AIFM3: variants seen among roughly 807,000 people sequenced by gnomAD.
The protein encoded by AIFM3 is apoptosis-inducing factor 3.
AIFM3 carries 71 observed loss-of-function variants against 82.7 expected under a neutral mutation model. That is an observed-to-expected ratio of 0.86 (90% CI 0.71 to 1.05). AIFM3 has a LOEUF of 1.05. Ranked by LOEUF, AIFM3 falls within the 50% of genes least tolerant of loss-of-function variation. AIFM3 has a pLI of 0.00. For missense variants in AIFM3, 748 were observed against 816.7 expected (o/e 0.92, Z 1.03); for synonymous variants, 337 against 329.1 (o/e 1.02, Z -0.26).
chr22:20,977,414 T>A (rs144219616), intron 14 of AIFM3: 5 of 600,700 alleles, frequency 8.3e-6, no homozygotes, highest in Non-Finnish European at 1.2e-5. Flanking sequence ...GGGGCCAAGA[T>A]GGGAGGTGGT....
At chr22:20,970,115 A>G (rs1923177410) in intron 2 of AIFM3, among the ~76,000 whole-genome samples, 1 of 152,182 alleles carries the variant, frequency 6.6e-6, no homozygotes, top group Non-Finnish European at 1.5e-5. Flanking sequence ...TTATTAGGCC[A>G]TAACTGATAC....
rs745951085 is a variant in AIFM3, at chr22:20,973,537, C to A, written c.245+17C>A. On this transcript the variant is annotated intron_variant, in intron 3 of 20. Transcript: ENST00000440238. ...GAATGGCCAGTGGGTTCTGGGCTTG[C>A]CTGGGAGCGGGGATCAGGGGTCCCA... 6 of 1,603,360 alleles carry A rather than the reference C, an allele frequency of 3.7e-6. No homozygotes were observed. The highest frequency in any genetic ancestry group is 5.1e-6 in the Non-Finnish European group (6 of 1,174,654).
intron 2 of AIFM3, among the ~76,000 whole-genome samples, chr22:20,972,870 C>A (rs1435591209): frequency 1.3e-5 from 2 of 152,046 alleles, no homozygotes; most frequent in East Asian, 1.9e-4. Flanking sequence ...CATGGCAAAA[C>A]CCTGTCTCTA....
chr22:20,973,790 T>G lies in AIFM3; in HGVS notation c.278T>G (p.Val93Gly). The change falls in exon 4 of 21, where the codon GTG becomes GGG. Residue 93 changes from valine to glycine, a missense_variant. Val to Gly is a moderately radical substitution (Grantham distance 109, BLOSUM62 -3). Around this residue, in one of 5 missense-constraint regions of AIFM3, gnomAD observed 148 missense variants for 134.1 expected, o/e 1.10. Coordinates refer to ENST00000440238, the MANE Select transcript of AIFM3 (RefSeq NM_001386814.1). ...MREVELGWGK[V>G]LLVKDNGEFH... The stretch of plus-strand genomic sequence containing the variant: ...GAAGTGGAGCTGGGCTGGGGGAAGG[T>G]GTTGCTGGTGAAGGACAATGGGGAG... The G allele has an allele frequency of 6.3e-7, 1 of 1,580,942 alleles. No individual in the cohort carries two copies. Among genetic ancestry groups the G allele is most frequent in the South Asian group, 1.2e-5 (1 of 85,528 alleles).
At chr22:20,966,615 G>A (rs566269039), upstream of AIFM3, 7 of 152,550 alleles carry the variant, frequency 4.6e-5, no homozygotes, top group South Asian at 1.4e-3. Context: ...GGATGGCAGT[G>A]GGATGGACTG....
rs768428267 is a variant in AIFM3, at chr22:20,976,719, C to T, written c.1099C>T (p.Pro367Ser). ...GTCTGTGGTGGAGCTGGAGGAGACGCCCTTCAGGAGGTTCCTGGGGGAGCG... is the reference window on the plus strand; with the variant it reads ...GTCTGTGGTGGAGCTGGAGGAGACGTCCTTCAGGAGGTTCCTGGGGGAGCG... The part of the protein sequence containing the change: ...SVSVVELEET[P>S]FRRFLGERVG... Residue 367 changes from proline (P) to serine (S), a missense_variant, in exon 12 of 21, where the codon CCC (proline) becomes TCC (serine). Around this residue, in one of 5 missense-constraint regions of AIFM3, gnomAD observed 393 missense variants for 481.1 expected, o/e 0.82. Transcript: ENST00000440238. 1 of 1,609,384 alleles carries T rather than the reference C, an allele frequency of 6.2e-7. No homozygotes were observed. Among genetic ancestry groups the T allele is most frequent in the African/African-American group, 1.3e-5 (1 of 74,820 alleles).
At chr22:20,977,663 G>C in intron 14 of AIFM3, 37 bp from the exon 15 acceptor site, 1 of 1,612,578 alleles carries the variant, frequency 6.2e-7, no homozygotes, top group Non-Finnish European at 8.5e-7. Context: ...GCAGAAGGCA[G>C]GGACAGGGGA....
At chr22:20,971,131 C>G (rs556317696) in intron 2 of AIFM3, among the ~76,000 whole-genome samples, 20 of 152,232 alleles carry the variant, frequency 1.3e-4, no homozygotes, top group Non-Finnish European at 2.4e-4. Flanking sequence ...AGCAGCCTGG[C>G]TTGGCATTAT....
intron 19 of AIFM3, 43 bp from the exon 20 acceptor site, chr22:20,980,704 C>G (rs376766350): frequency 2.0e-5 from 32 of 1,613,884 alleles, no homozygotes; most frequent in Non-Finnish European, 2.7e-5. Context: ...GACATGCTCT[C>G]TCCTTGGCCT....
intron 1 of AIFM3, among the ~76,000 whole-genome samples, chr22:20,967,506 G>C (rs918505812): frequency 1.3e-5 from 2 of 152,140 alleles, no homozygotes; most frequent in Non-Finnish European, 2.9e-5. Context: ...GAGGGGAAGG[G>C]GGGCACGAGG....
intron 2 of AIFM3, among the ~76,000 whole-genome samples, chr22:20,968,872 C>T (rs1427063038): frequency 2.6e-5 from 4 of 152,160 alleles, no homozygotes; most frequent in Non-Finnish European, 4.4e-5. Flanking sequence ...CCATCAGCTC[C>T]GTTACCTTGG....
At chr22:20,971,919 A>C (rs1923288743) in intron 2 of AIFM3, among the ~76,000 whole-genome samples, 1 of 149,330 alleles carries the variant, frequency 6.7e-6, no homozygotes, top group South Asian at 2.1e-4. Context: ...TCCCCGCTAG[A>C]GCTGGCCCCG....
At chr22:20,978,560 C>T (rs1190142439) in intron 16 of AIFM3, among the ~76,000 whole-genome samples, 1 of 151,998 alleles carries the variant, frequency 6.6e-6, no homozygotes, top group Non-Finnish European at 1.5e-5. Context: ...GGTGCCATCA[C>T]ATTAGTTGCC....
Position 20,980,125 on chromosome 22 carries a change from G to A in AIFM3, c.1757+1G>A, listed in dbSNP as rs1923996450. 1.2e-6 allele frequency: 2 copies of A among 1,606,000 alleles called. No individual in the cohort carries two copies. Among genetic ancestry groups the A allele is most frequent in the Non-Finnish European group, 1.7e-6 (2 of 1,179,912 alleles). On this transcript the variant is annotated splice_donor_variant, in intron 19 of 20. Coordinates refer to ENST00000440238, the MANE Select transcript of AIFM3 (RefSeq NM_001386814.1). LOFTEE classifies it high-confidence loss of function. The stretch of plus-strand genomic sequence containing the variant: ...GTGCCATCCGGAAGCGGGAGGTGGA[G>A]TGAGTGTGGGTGTGGGAAGCCTGGG...
chr22:20,976,138 G>A (rs1233681804), intron 9 of AIFM3, 77 bp from the exon 10 acceptor site: 6 of 1,492,092 alleles, frequency 4.0e-6, no homozygotes, highest in East Asian at 4.6e-5. Context: ...GGCTGTGGGT[G>A]TACTGCAGGA....
In AIFM3 at chr22:20,973,444, AC is replaced by A. The variant is rs747942773; in HGVS notation, c.173del (p.Pro58LeufsTer39). 4 of 1,612,780 alleles carry A rather than the reference AC, an allele frequency of 2.5e-6. No individual in the cohort carries two copies. The highest frequency in any genetic ancestry group is 3.4e-6 in the Non-Finnish European group (4 of 1,179,924). ...CTTCCACACGGAGGAGCGCCTGTCC[AC>A]CCCTCACCCCTACCCCAGCCCTCAG... is the stretch of plus-strand genomic sequence containing the variant. ...RHFHTEERLS[T>X]PHPYPSPQDC... On this transcript the variant is annotated frameshift_variant, in exon 3 of 21. Coordinates refer to ENST00000440238, the MANE Select transcript of AIFM3 (RefSeq NM_001386814.1). LOFTEE classifies it high-confidence loss of function.
chr22:20,980,441 A>T, intron 19 of AIFM3: 1 of 597,480 alleles, frequency 1.7e-6, no homozygotes, highest in Non-Finnish European at 3.0e-6. Context: ...AGTTGTGCTG[A>T]GCCTGGCAGA....
At chr22:20,976,360 C>T (rs781174868) in intron 10 of AIFM3, 48 bp from the exon 11 acceptor site, 19 of 1,613,616 alleles carry the variant, frequency 1.2e-5, no homozygotes, top group Middle Eastern at 1.6e-4. Context: ...CTGGCCTGGA[C>T]GGGGCTGGGG....
chr22:20,977,793 TGGGTGGGGAGGA>T lies in AIFM3; in HGVS notation c.1359+18_1359+29del. ...GTCAACAAGGTGGGGTGGATGGCAC[TGGGTGGGGAGGA>T]CCCGGTGCTGGGCTGGGAGTGGCAG... On this transcript the variant is annotated intron_variant, in intron 15 of 20. Transcript: ENST00000440238. The T allele has an allele frequency of 6.2e-7, 1 of 1,614,092 alleles. No homozygotes were observed. Among genetic ancestry groups the T allele is most frequent in the Non-Finnish European group, 8.5e-7 (1 of 1,179,962 alleles).
Sources: allele counts gnomAD v4.1 joint callset (sites outside exome capture counted in the v4.1 genomes callset), GRCh38; gene constraint gnomAD v4.1.1; regional missense constraint gnomAD v4.1.1; transcripts MANE v1.5; gene names NCBI Gene and HGNC (gene_info 2026-07-23, HGNC 2026-07-21).